The following ZNF382 variants were observed in gnomAD, a reference collection of about 807,000 sequenced individuals.
ZNF382 encodes the protein zinc finger protein 382.
In ZNF382, 20 loss-of-function variants were observed where a neutral mutation model predicts 38.8. The ratio of observed to expected loss-of-function variants is 0.51; its 90% CI spans 0.36 to 0.75. The LOEUF (loss-of-function observed/expected upper bound fraction) is 0.75, where lower values mean the gene tolerates loss of function less well. Among genes scored for constraint, ZNF382 ranks in the 30% least tolerant of loss-of-function variants. The probability of loss-of-function intolerance (pLI) is 0.00; values close to 1 mark genes in which losing one functional copy is unlikely to be tolerated. For missense variants in ZNF382, 546 were observed against 654.1 expected (o/e 0.83, Z 1.80); for synonymous variants, 202 against 223.1 (o/e 0.91, Z 0.84).
chr19:36,613,786 T>C lies in ZNF382; in HGVS notation c.232+3044T>C, dbSNP rs12974446. Among the ~76,000 whole-genome samples, 835 of 152,288 alleles carry C rather than the reference T, an allele frequency of 5.5e-3. 22 individuals carry two copies. The highest frequency in any genetic ancestry group is 0.037 in the Admixed American group (566 of 15,288). On this transcript the variant is annotated intron_variant, in intron 4 of 4. Coordinates refer to ENST00000292928, the MANE Select transcript of ZNF382 (RefSeq NM_032825.5). Reference sequence around the variant, plus strand: ...TAGTTCTGTGGTCCACCTCATGTTTTGTTTATGATGTGAAGTAGGGTTCGA... The same window carrying C: ...TAGTTCTGTGGTCCACCTCATGTTTCGTTTATGATGTGAAGTAGGGTTCGA...
At chr19:36,610,282 C>G (rs2037066859) in intron 3 of ZNF382, among the ~76,000 whole-genome samples, 1 of 151,912 alleles carries the variant, frequency 6.6e-6, no homozygotes, top group African/African-American at 2.4e-5. Flanking sequence ...ATGGTGAAAC[C>G]CAGTCTCTAC....
chr19:36,609,022 C>A lies in ZNF382; in HGVS notation c.-13-880C>A, dbSNP rs140781268. On this transcript the variant is annotated intron_variant, in intron 2 of 4. Coordinates refer to ENST00000292928, the MANE Select transcript of ZNF382 (RefSeq NM_032825.5). ...TCATTTCCACCTAACATGTGATAAG[C>A]CTTTTCCAGTCTTCAGGAGTATTAC... The A allele has an allele frequency of 1.6e-4, 25 of 152,318 alleles. No homozygotes were observed. The East Asian group carries it at 3.9e-3, about 24-fold the overall frequency. 9.4% of individuals were successfully genotyped at this position (152,318 alleles called of 1,614,324 possible).
intron 4 of ZNF382, among the ~76,000 whole-genome samples, chr19:36,618,134 G>A (rs2037140077): frequency 6.6e-6 from 1 of 152,016 alleles, no homozygotes; most frequent in Non-Finnish European, 1.5e-5. Flanking sequence ...AATTTTCAGT[G>A]CATTTAAAAA....
rs2037227959 is a variant in ZNF382, at chr19:36,627,831, T to A, written c.*281T>A. ...GTGTTATAAACATTTAAAATCACAT[T>A]TTCCATTTCCATACATATCTTTTTG... is the stretch of plus-strand genomic sequence containing the variant. On this transcript the variant is annotated 3_prime_UTR_variant, in exon 5 of 5. Transcript: ENST00000292928. 3.2e-6 allele frequency: 1 copy of A among 314,960 alleles called. No homozygotes were observed. Among genetic ancestry groups the A allele is most frequent in the East Asian group, 6.1e-5 (1 of 16,380 alleles). The allele number at this position is 314,960 out of a possible 1,614,324, so 19.5% of individuals were successfully genotyped here. A position where few individuals can be genotyped will look rare whatever the true frequency, so the allele number is the denominator to read the frequency against.
In ZNF382 at chr19:36,632,920, A is replaced by G. The variant is rs1308684879; in HGVS notation, c.*5370A>G. On this transcript the variant is annotated 3_prime_UTR_variant, in exon 5 of 5. Transcript: ENST00000292928. ...TCTCCACTCAGTTTCTGGTCTAGCA[A>G]TAGAGCCAGGCTTGCCATGTCCTGC... The G allele has an allele frequency of 6.6e-6, 1 of 152,258 alleles. No individual in the cohort carries two copies. The highest frequency in any genetic ancestry group is 1.5e-5 in the Non-Finnish European group (1 of 68,074). 9.4% of individuals were successfully genotyped at this position (152,258 alleles called of 1,614,324 possible). A position where few individuals can be genotyped will look rare whatever the true frequency, so the allele number is the denominator to read the frequency against.
chr19:36,631,062 G>A lies in ZNF382; in HGVS notation c.*3512G>A, dbSNP rs550502205. ...GGCCTCCTAAAATGCTGGGGTTACA[G>A]GTGTGAGCCACTTCACTCACTTTAG... is the stretch of plus-strand genomic sequence containing the variant. On this transcript the variant is annotated 3_prime_UTR_variant, in exon 5 of 5. Transcript: ENST00000292928. 6.6e-6 allele frequency: 1 copy of A among 152,110 alleles called. No individual in the cohort carries two copies. The highest frequency in any genetic ancestry group is 6.6e-5 in the Admixed American group (1 of 15,262). 9.4% of individuals were successfully genotyped at this position (152,110 alleles called of 1,614,324 possible).
Position 36,629,496 on chromosome 19 carries a change from C to A in ZNF382, c.*1946C>A, listed in dbSNP as rs990516700. Reference sequence around the variant, plus strand: ...CAAGCAAGAACTGCCCAGCTGAGGCCTTCCCAAATTCCTGGCCAACAAAAT... The same window carrying A: ...CAAGCAAGAACTGCCCAGCTGAGGCATTCCCAAATTCCTGGCCAACAAAAT... On this transcript the variant is annotated 3_prime_UTR_variant, in exon 5 of 5. Coordinates refer to ENST00000292928, the MANE Select transcript of ZNF382 (RefSeq NM_032825.5). 1.3e-5 allele frequency: 2 copies of A among 152,140 alleles called. No individual in the cohort carries two copies. Among genetic ancestry groups the A allele is most frequent in the African/African-American group, 4.8e-5 (2 of 41,434 alleles). 9.4% of individuals were successfully genotyped at this position (152,140 alleles called of 1,614,324 possible). A position where few individuals can be genotyped will look rare whatever the true frequency, so the allele number is the denominator to read the frequency against.
chr19:36,614,029 C>G lies in ZNF382; in HGVS notation c.232+3287C>G, dbSNP rs186933906. 3.9e-5 allele frequency among the ~76,000 whole-genome samples: 6 copies of G among 152,206 alleles called. No individual in the cohort carries two copies. The East Asian group carries it at 1.2e-3, about 29-fold the overall frequency. ...CTGGAAGTCAGTTAGCGTAAGTCCT[C>G]TAACTTTATGCTTTTTAAAAACTTT... On this transcript the variant is annotated intron_variant, in intron 4 of 4. Transcript: ENST00000292928.
intron 4 of ZNF382, among the ~76,000 whole-genome samples, chr19:36,625,581 CAG>C (rs2037206054): frequency 6.7e-6 from 1 of 148,434 alleles, no homozygotes; most frequent in African/African-American, 2.5e-5. Flanking sequence ...GGCGGGGGGA[CAG>C]AGTTTCGCTC....
chr19:36,610,453 CAA>C (rs549626213), intron 3 of ZNF382, 195 bp from the exon 4 acceptor site: 516 of 303,766 alleles, frequency 1.7e-3, no homozygotes, highest in South Asian at 2.9e-3. Context: ...GAGACTGTCT[CAA>C]AAAAAAAAAA....
At position 36,621,960 on chromosome 19, in the gene ZNF382, C is replaced by T. The variant is rs1222913532; in HGVS notation, c.233-4170C>T. ...AGAGGGTACAGTAATCCATCCAAGA[C>T]TGCCTTTACTTCTGATAGCAGCTGT... On this transcript the variant is annotated intron_variant, in intron 4 of 4. Coordinates refer to ENST00000292928, the MANE Select transcript of ZNF382 (RefSeq NM_032825.5). Among the ~76,000 whole-genome samples, 3 of 151,822 alleles carry T rather than the reference C, an allele frequency of 2.0e-5. No homozygotes were observed. The East Asian group carries it at 5.8e-4, about 29-fold the overall frequency.
intron 2 of ZNF382, chr19:36,609,270 T>C (rs1315962599): frequency 3.3e-5 from 5 of 152,188 alleles, no homozygotes; most frequent in African/African-American, 1.2e-4. Context: ...GCTACAATGT[T>C]GGGAATGTGT....
intron 4 of ZNF382, among the ~76,000 whole-genome samples, chr19:36,614,323 G>C (rs2037103852): frequency 6.6e-6 from 1 of 152,136 alleles, no homozygotes; most frequent in Non-Finnish European, 1.5e-5. Flanking sequence ...CTGGGCAACA[G>C]AGTGAGACTC....
intron 4 of ZNF382, among the ~76,000 whole-genome samples, chr19:36,619,630 G>A (rs548821724): frequency 2.2e-4 from 34 of 152,248 alleles, no homozygotes; most frequent in African/African-American, 6.5e-4. Flanking sequence ...GTGACAAAGC[G>A]TTTTAAAGTG....
chr19:36,624,521 C>T (rs887450966), intron 4 of ZNF382, among the ~76,000 whole-genome samples: 5 of 152,090 alleles, frequency 3.3e-5, no homozygotes, highest in East Asian at 1.9e-4. Flanking sequence ...GTAAGATATA[C>T]AATAATTTTT....
Position 36,632,531 on chromosome 19 carries a change from A to G in ZNF382, c.*4981A>G, listed in dbSNP as rs1297235073. 6.6e-6 allele frequency: 1 copy of G among 152,258 alleles called. No homozygotes were observed. The highest frequency in any genetic ancestry group is 6.5e-5 in the Admixed American group (1 of 15,286). The allele number at this position is 152,258 out of a possible 1,614,324, so 9.4% of individuals were successfully genotyped here. ...TTATGCTTCTCTGTTCACTGGTTACATAGTCAAGCCAGGCTATCTAACTGG... is the reference window on the plus strand; with the variant it reads ...TTATGCTTCTCTGTTCACTGGTTACGTAGTCAAGCCAGGCTATCTAACTGG... On this transcript the variant is annotated 3_prime_UTR_variant, in exon 5 of 5. Transcript: ENST00000292928.
At chr19:36,610,185 G>T in intron 3 of ZNF382, 132 bp downstream of exon 3, 1 of 1,146,942 alleles carries the variant, frequency 8.7e-7, no homozygotes, top group South Asian at 1.5e-5. Flanking sequence ...GCCAGGCACA[G>T]TGGCTCACGC....
chr19:36,607,970 C>T (rs771519474), intron 2 of ZNF382: 1 of 235,072 alleles, frequency 4.3e-6, no homozygotes, highest in African/African-American at 2.2e-5. Flanking sequence ...CATCTCCTTT[C>T]TCAGTCTTCT....
Position 36,628,628 on chromosome 19 carries a change from C to G in ZNF382, c.*1078C>G, listed in dbSNP as rs541544305. On this transcript the variant is annotated 3_prime_UTR_variant, in exon 5 of 5. Coordinates refer to ENST00000292928, the MANE Select transcript of ZNF382 (RefSeq NM_032825.5). Reference sequence around the variant, plus strand: ...AATGCCTTATTTGAACTCAAAAAGTCTACTAGAGGAGAGGCATCCAGCATT... The same window carrying G: ...AATGCCTTATTTGAACTCAAAAAGTGTACTAGAGGAGAGGCATCCAGCATT... The G allele has an allele frequency of 1.3e-5, 2 of 152,600 alleles. No individual in the cohort carries two copies. Among genetic ancestry groups the G allele is most frequent in the Non-Finnish European group, 2.9e-5 (2 of 68,044 alleles). The allele number at this position is 152,600 out of a possible 1,614,324, so 9.5% of individuals were successfully genotyped here. A position where few individuals can be genotyped will look rare whatever the true frequency, so the allele number is the denominator to read the frequency against.
Sources: allele counts gnomAD v4.1 joint callset (sites outside exome capture counted in the v4.1 genomes callset), GRCh38; gene constraint gnomAD v4.1.1; transcripts MANE v1.5; gene names NCBI Gene and HGNC (gene_info 2026-07-23, HGNC 2026-07-21).